The following KLF8 variants were observed in gnomAD, a reference collection of about 807,000 sequenced individuals.
The protein encoded by KLF8 is KLF transcription factor 8.
In KLF8, 10 loss-of-function variants were observed where a neutral mutation model predicts 18.2. The observed-to-expected ratio is 0.55, with a 90% CI of 0.34 to 0.93. The LOEUF (loss-of-function observed/expected upper bound fraction) is 0.93. Among genes scored for constraint, KLF8 ranks in the 40% least tolerant of loss-of-function variants. KLF8 has a pLI of 0.02. For missense variants in KLF8, 264 were observed against 277.9 expected, an observed-to-expected ratio of 0.95 and a Z score of 0.36; for synonymous variants, 109 against 97.3, an observed-to-expected ratio of 1.12 and a Z score of -0.71.
chrX:56,151,486 GAT>G, the KLF8 span, among the ~76,000 whole-genome samples: 7 of 111,382 alleles, frequency 6.3e-5, no homozygotes, highest in South Asian at 2.6e-3. Context: ...AGCACTTGGT[GAT>G]AGATTGGATA....
chrX:56,053,909 C>A, the KLF8 span, among the ~76,000 whole-genome samples: 2 of 110,701 alleles, frequency 1.8e-5, no homozygotes, highest in African/African-American at 3.3e-5. Flanking sequence ...TTTCTTCATT[C>A]TAGCTAGCTA....
chrX:55,942,255 A>G, the KLF8 span, among the ~76,000 whole-genome samples: 1 of 110,637 alleles, frequency 9.0e-6, no homozygotes, highest in African/African-American at 3.3e-5. Context: ...TTCTCAGCAA[A>G]CTATCGCAAG....
chrX:55,958,378 C>T, the KLF8 span, among the ~76,000 whole-genome samples: 4 of 111,923 alleles, frequency 3.6e-5, no homozygotes, highest in African/African-American at 1.3e-4. Context: ...CAGCATCAAC[C>T]AAGGCCTGCT....
chrX:56,113,554 G>GTTTTTT, the KLF8 span, among the ~76,000 whole-genome samples: 415 of 34,634 alleles, frequency 0.012, 43 homozygotes, highest in African/African-American at 0.038. Flanking sequence ...GGCAGGGATA[G>GTTTTTT]TTTTTTTTTT....
At chrX:55,966,018 G>T in the KLF8 span, among the ~76,000 whole-genome samples, 1 of 112,219 alleles carries the variant, frequency 8.9e-6, no homozygotes, top group Admixed American at 9.4e-5. Flanking sequence ...ATGGGCTATT[G>T]GTGGTGGTGG....
chrX:56,135,252 G>A, the KLF8 span, among the ~76,000 whole-genome samples: 57 of 111,406 alleles, frequency 5.1e-4, no homozygotes, highest in East Asian at 9.6e-3. Flanking sequence ...ACATGCACAC[G>A]TATGTTTATT....
At chrX:56,076,231 C>A in the KLF8 span, among the ~76,000 whole-genome samples, 1 of 107,758 alleles carries the variant, frequency 9.3e-6, no homozygotes, top group Non-Finnish European at 1.9e-5. Context: ...TTCTGGTGCA[C>A]TGCACCCACT....
the KLF8 span, among the ~76,000 whole-genome samples, chrX:55,941,926 A>G: frequency 8.9e-6 from 1 of 111,824 alleles, no homozygotes; most frequent in Non-Finnish European, 1.9e-5. Flanking sequence ...GTGGGATTGT[A>G]AACTAGTTCA....
At chrX:56,158,293 C>T in the KLF8 span, among the ~76,000 whole-genome samples, 3 of 111,687 alleles carry the variant, frequency 2.7e-5, no homozygotes, top group African/African-American at 6.5e-5. Flanking sequence ...GTTACTGTAG[C>T]CTTGTAGTAT....
the KLF8 span, among the ~76,000 whole-genome samples, chrX:56,132,307 T>G: frequency 9.0e-6 from 1 of 111,455 alleles, no homozygotes; most frequent in Non-Finnish European, 1.9e-5. Flanking sequence ...CACAGTGGAA[T>G]AAAATTGGAA....
the KLF8 span, chrX:55,961,716 T>G: frequency 5.2e-6 from 2 of 383,524 alleles, no homozygotes; most frequent in East Asian, 1.2e-4. Flanking sequence ...GATGCTGGCA[T>G]GCAGCTACAA....
At chrX:56,011,934 T>A in the KLF8 span, among the ~76,000 whole-genome samples, 2 of 111,201 alleles carry the variant, frequency 1.8e-5, no homozygotes, top group African/African-American at 6.5e-5. Context: ...AATAGACCAA[T>A]AACAAGTTCT....
the KLF8 span, among the ~76,000 whole-genome samples, chrX:55,960,755 A>G: frequency 8.9e-6 from 1 of 112,320 alleles, no homozygotes; most frequent in African/African-American, 3.2e-5. Flanking sequence ...ACATATCCCA[A>G]TGACACTGTA....
At chrX:55,955,542 G>A in the KLF8 span, among the ~76,000 whole-genome samples, 9 of 111,670 alleles carry the variant, frequency 8.1e-5, no homozygotes, top group African/African-American at 2.9e-4. Flanking sequence ...GCACTTAGGA[G>A]TACATTGCCA....
upstream of KLF8, among the ~76,000 whole-genome samples, chrX:56,229,756 A>G (rs2066388831): frequency 8.9e-6 from 1 of 111,862 alleles, no homozygotes; most frequent in South Asian, 3.8e-4. Flanking sequence ...GTGTGCGTAC[A>G]GTGAAATTGA....
the KLF8 span, among the ~76,000 whole-genome samples, chrX:56,079,407 G>C: frequency 2.7e-5 from 3 of 111,572 alleles, no homozygotes; most frequent in Non-Finnish European, 5.7e-5. Context: ...GTACCCAGTA[G>C]TCATTCAGGA....
chrX:56,003,292 C>A, the KLF8 span, among the ~76,000 whole-genome samples: 1 of 110,649 alleles, frequency 9.0e-6, no homozygotes, highest in Non-Finnish European at 1.9e-5. Context: ...ATCCTATAGT[C>A]CCAGCTACTC....
the KLF8 span, among the ~76,000 whole-genome samples, chrX:56,002,258 C>T: frequency 8.9e-6 from 1 of 111,754 alleles, no homozygotes; most frequent in Non-Finnish European, 1.9e-5. Flanking sequence ...CTAACCCCTG[C>T]ACACCTATTC....
chrX:55,949,246 C>A, the KLF8 span, among the ~76,000 whole-genome samples: 1 of 110,798 alleles, frequency 9.0e-6, no homozygotes, highest in African/African-American at 3.3e-5. Flanking sequence ...ACAGTTGTTA[C>A]AAATGCAGAC....
Sources: gnomAD v4.1 joint callset for allele counts (sites outside exome capture counted in the v4.1 genomes callset) on GRCh38, gnomAD v4.1.1 for gene constraint, MANE v1.5 for transcripts, NCBI Gene and HGNC (gene_info 2026-07-23, HGNC 2026-07-21) for gene names.